Variants in ZFR observed in about 807,000 individuals in gnomAD.
ZFR encodes the protein zinc finger RNA-binding protein.
In ZFR, 19 loss-of-function variants were observed where a neutral mutation model predicts 130.7. That is an observed-to-expected ratio of 0.15 (90% CI 0.10 to 0.21). The LOEUF (loss-of-function observed/expected upper bound fraction) is 0.21, where lower values mean the gene tolerates loss of function less well. Among genes scored for constraint, ZFR ranks in the 10% least tolerant of loss-of-function variants. The probability of loss-of-function intolerance (pLI) is 1.00; values close to 1 mark genes in which losing one functional copy is unlikely to be tolerated. For missense variants in ZFR, 872 were observed against 1,321.5 expected (o/e 0.66, Z 5.27); for synonymous variants, 466 against 456.9 (o/e 1.02, Z -0.25).
At chr5:32,383,819 T>C (rs1301807017) in intron 15 of ZFR, 2 of 456,730 alleles carry the variant, frequency 4.4e-6, no homozygotes, top group South Asian at 3.1e-5. Flanking sequence ...CATGGTTTAC[T>C]GCAGTTATCT....
At chr5:32,373,995 C>G (rs1339334359) in intron 17 of ZFR, among the ~76,000 whole-genome samples, 9 of 152,140 alleles carry the variant, frequency 5.9e-5, no homozygotes, top group Non-Finnish European at 1.2e-4. Context: ...GTGACTCTCT[C>G]AAAGAAGGCC....
chr5:32,382,264 T>G (rs901614105), intron 15 of ZFR, among the ~76,000 whole-genome samples: 1 of 152,118 alleles, frequency 6.6e-6, no homozygotes, highest in African/African-American at 2.4e-5. Flanking sequence ...TGAGCCGAGA[T>G]TGTGCTGCTG....
intron 15 of ZFR, 74 bp from the exon 16 acceptor site, chr5:32,380,246 G>A (rs1752904717): frequency 2.8e-6 from 3 of 1,089,448 alleles, no homozygotes; most frequent in African/African-American, 3.1e-5. Context: ...CTTCCTTAAG[G>A]TAGCATCAGT....
intron 10 of ZFR, among the ~76,000 whole-genome samples, chr5:32,395,741 A>C (rs1323336430): frequency 6.6e-6 from 1 of 152,112 alleles, no homozygotes; most frequent in Admixed American, 6.6e-5. Context: ...TTATATGATG[A>C]CCCACTTCCA....
At chr5:32,374,759 A>G (rs1005590069) in intron 17 of ZFR, among the ~76,000 whole-genome samples, 1 of 152,098 alleles carries the variant, frequency 6.6e-6, no homozygotes, top group African/African-American at 2.4e-5. Context: ...ACTCTATTGA[A>G]TGGGTTGATT....
At position 32,354,454 on chromosome 5, in the gene ZFR, A is replaced by G. The variant is rs893372296; in HGVS notation, c.*1306T>C. 2.6e-5 allele frequency: 4 copies of G among 152,638 alleles called. No individual in the cohort carries two copies. The East Asian group carries it at 7.7e-4, about 29-fold the overall frequency. 9.5% of individuals were successfully genotyped at this position (152,638 alleles called of 1,614,324 possible). ...ACATTTAAGTCATTATATGAATTTC[A>G]TTTTTTGTGTATTTCACTGTAGTGC... On this transcript the variant is annotated 3_prime_UTR_variant, in exon 20 of 20. Transcript: ENST00000265069.
chr5:32,444,057 AGGCGGGGCGG>A (rs375370062), intron 2 of ZFR, among the ~76,000 whole-genome samples, 162 bp downstream of exon 2: 156 of 139,434 alleles, frequency 1.1e-3, no homozygotes, highest in East Asian at 4.0e-3. Flanking sequence ...GGGCCGGGCA[AGGCGGGGCGG>A]GGCGGGGCGG....
intron 2 of ZFR, among the ~76,000 whole-genome samples, chr5:32,426,203 CCA>C (rs1262401653): frequency 2.0e-5 from 3 of 151,984 alleles, no homozygotes; most frequent in Non-Finnish European, 4.4e-5. Context: ...CAGTGTGGCC[CCA>C]GTGTGTATGT....
chr5:32,442,486 A>C (rs188100216), intron 2 of ZFR, among the ~76,000 whole-genome samples: 1 of 152,344 alleles, frequency 6.6e-6, no homozygotes, highest in Admixed American at 6.5e-5. Flanking sequence ...TTTTTTGTCT[A>C]ATTATCAAAA....
At chr5:32,383,075 T>G (rs1428661176) in intron 15 of ZFR, among the ~76,000 whole-genome samples, 1 of 152,220 alleles carries the variant, frequency 6.6e-6, no homozygotes, top group African/African-American at 2.4e-5. Flanking sequence ...TGGGAATATA[T>G]TAATTCAAAT....
intron 1 of ZFR, 94 bp downstream of exon 1, chr5:32,444,528 C>T (rs1026408187): frequency 2.9e-6 from 4 of 1,382,968 alleles, no homozygotes; most frequent in Non-Finnish European, 3.8e-6. Context: ...GCCGCCGCCT[C>T]CTCCCCGGAG....
Position 32,444,212 on chromosome 5 carries a change from AG to A in ZFR, c.137+16del. 6.3e-7 allele frequency: 1 copy of A among 1,595,524 alleles called. No individual in the cohort carries two copies. The highest frequency in any genetic ancestry group is 8.5e-7 in the Non-Finnish European group (1 of 1,172,536). On this transcript the variant is annotated intron_variant, in intron 2 of 19. Coordinates refer to ENST00000265069, the MANE Select transcript of ZFR (RefSeq NM_016107.5). The stretch of plus-strand genomic sequence containing the variant: ...GGAGAGCAAGGGGCGAACAGAGAGA[AG>A]GCAGGATGCCGTTACCTATATTGGG...
chr5:32,412,858 T>C (rs1753740447), intron 5 of ZFR, among the ~76,000 whole-genome samples: 1 of 152,198 alleles, frequency 6.6e-6, no homozygotes, highest in Non-Finnish European at 1.5e-5. Context: ...AAAATAGTTC[T>C]TGGAACTATT....
chr5:32,360,692 T>C (rs1380914549), intron 19 of ZFR, among the ~76,000 whole-genome samples: 2 of 152,202 alleles, frequency 1.3e-5, no homozygotes, highest in African/African-American at 4.8e-5. Context: ...TATATCTAGA[T>C]ATCAAAGAGT....
chr5:32,442,660 GCA>G lies in ZFR; in HGVS notation c.137+1567_137+1568del, dbSNP rs1754499677. 1.3e-5 allele frequency among the ~76,000 whole-genome samples: 2 copies of G among 152,170 alleles called. 1 individual carries two copies. The highest frequency in any genetic ancestry group is 2.9e-5 in the Non-Finnish European group (2 of 68,034). On this transcript the variant is annotated intron_variant, in intron 2 of 19. Transcript: ENST00000265069. ...TAAAATCTAGTTTCACCAATATGAT[GCA>G]CATTTATACATTTTGACATCTCTTA...
rs150131033 is a variant in ZFR, at chr5:32,360,529, A to G, written c.3045+3419T>C. ...TTCTTTTAATGTCTGGCTGAATAATATTCTAACGTATGACTGTATTTGTTT... is the reference window on the plus strand; with the variant it reads ...TTCTTTTAATGTCTGGCTGAATAATGTTCTAACGTATGACTGTATTTGTTT... On this transcript the variant is annotated intron_variant, in intron 19 of 19. Coordinates refer to ENST00000265069, the MANE Select transcript of ZFR (RefSeq NM_016107.5). Among the ~76,000 whole-genome samples the G allele has an allele frequency of 2.0e-5, 3 of 152,340 alleles. No individual in the cohort carries two copies. In the East Asian group the frequency reaches 5.8e-4, roughly 29 times the overall value.
At chr5:32,398,438 T>C (rs1256704773) in intron 9 of ZFR, among the ~76,000 whole-genome samples, 1 of 152,242 alleles carries the variant, frequency 6.6e-6, no homozygotes, top group African/African-American at 2.4e-5. Context: ...AAGTCTATTA[T>C]GAATACTGAG....
At chr5:32,364,485 C>G in intron 17 of ZFR, 1 of 260,380 alleles carries the variant, frequency 3.8e-6, no homozygotes, top group Non-Finnish European at 7.3e-6. Context: ...GTAATCCAAA[C>G]ACTTTGGGAG....
chr5:32,378,684 C>T (rs190495234), intron 17 of ZFR, among the ~76,000 whole-genome samples: 53 of 152,114 alleles, frequency 3.5e-4, no homozygotes, highest in African/African-American at 1.2e-3. Flanking sequence ...TTCTGCGTTA[C>T]TGAATCTCCT....
Sources: gnomAD v4.1 joint callset for allele counts (sites outside exome capture counted in the v4.1 genomes callset) on GRCh38, gnomAD v4.1.1 for gene constraint, MANE v1.5 for transcripts, NCBI Gene and HGNC (gene_info 2026-07-23, HGNC 2026-07-21) for gene names.